The following SURF4 variants were observed in gnomAD, a reference collection of about 807,000 sequenced individuals.
SURF4 encodes surfeit locus protein 4.
Under a neutral mutation model 30.0 loss-of-function variants are expected in SURF4, and 3 were observed. The ratio of observed to expected loss-of-function variants is 0.10; its 90% CI spans 0.05 to 0.26. SURF4 has a LOEUF of 0.26. Among genes scored for constraint, SURF4 ranks in the 10% least tolerant of loss-of-function variants. The pLI is 1.00. For missense variants in SURF4, 217 were observed against 350.8 expected, an observed-to-expected ratio of 0.62 and a Z score of 3.05; for synonymous variants, 143 against 139.9, an observed-to-expected ratio of 1.02 and a Z score of -0.16.
Position 133,363,793 on chromosome 9 carries a change from A to T in SURF4, c.544-34T>A. On this transcript the variant is annotated intron_variant, in intron 5 of 5. Coordinates refer to ENST00000371989, the MANE Select transcript of SURF4 (RefSeq NM_033161.4). This position sits in a 1 kb window ranked among gnomAD's most constrained non-coding sequence, Gnocchi z 4.3. ...GTTGAAACGTAAGAAATTCAAAATA[A>T]ATGTGAGGAAAAGAGATGCTTTATA... The T allele has an allele frequency of 6.2e-7, 1 of 1,612,718 alleles. No individual in the cohort carries two copies. The highest frequency in any genetic ancestry group is 8.5e-7 in the Non-Finnish European group (1 of 1,179,018).
chr9:133,369,765 T>G (rs1837389629), intron 1 of SURF4, among the ~76,000 whole-genome samples: 1 of 152,248 alleles, frequency 6.6e-6, no homozygotes, highest in African/African-American at 2.4e-5. Flanking sequence ...GATGTGCCAC[T>G]GCTCTCAAGG....
intron 1 of SURF4, among the ~76,000 whole-genome samples, chr9:133,369,017 T>C (rs1339602668): frequency 5.3e-5 from 8 of 152,206 alleles, no homozygotes; most frequent in African/African-American, 1.9e-4. Flanking sequence ...TTTTAAAAGT[T>C]GCTTCAAAGT....
chr9:133,375,863 G>A (rs1025793258), intron 1 of SURF4, 59 bp downstream of exon 1: 8 of 1,212,494 alleles, frequency 6.6e-6, no homozygotes, highest in Middle Eastern at 3.2e-4. Flanking sequence ...GCCGACTCCG[G>A]AGCGGCCCGG....
chr9:133,368,376 G>A (rs2130157684), intron 1 of SURF4, among the ~76,000 whole-genome samples: 1 of 152,246 alleles, frequency 6.6e-6, no homozygotes, highest in African/African-American at 2.4e-5. Context: ...GACAGCGCAT[G>A]TGTGCTGTTG....
intron 2 of SURF4, 92 bp from the exon 3 acceptor site, chr9:133,366,767 T>G: frequency 8.1e-7 from 1 of 1,228,960 alleles, no homozygotes; most frequent in Non-Finnish European, 1.2e-6. Context: ...GGCCCTTAGG[T>G]CCAGAGGCAG....
intron 1 of SURF4, among the ~76,000 whole-genome samples, chr9:133,368,417 G>A (rs2130158548): frequency 2.0e-5 from 3 of 152,380 alleles, no homozygotes; most frequent in Admixed American, 1.3e-4. Flanking sequence ...CCAGCCCGAC[G>A]GAGCTCTCCC....
chr9:133,361,523 C>T lies in SURF4; in HGVS notation c.*1970G>A, dbSNP rs1016212209. On this transcript the variant is annotated 3_prime_UTR_variant, in exon 6 of 6. Transcript: ENST00000371989. ...CCAAAAATCAAAACGTTTTCAAACA[C>T]AACTAAGATATAAAATACAGCATAA... is the stretch of plus-strand genomic sequence containing the variant. 1.2e-5 allele frequency: 2 copies of T among 169,176 alleles called. No individual in the cohort carries two copies. Among genetic ancestry groups the T allele is most frequent in the Admixed American group, 5.8e-5 (1 of 17,372 alleles). The allele number at this position is 169,176 out of a possible 1,614,324, so 10.5% of individuals were successfully genotyped here. A position where few individuals can be genotyped will look rare whatever the true frequency, so the allele number is the denominator to read the frequency against.
Position 133,363,123 on chromosome 9 carries a change from GATA to G in SURF4, c.*367_*369del, listed in dbSNP as rs1377955665. On this transcript the variant is annotated 3_prime_UTR_variant, in exon 6 of 6. Coordinates refer to ENST00000371989, the MANE Select transcript of SURF4 (RefSeq NM_033161.4). The surrounding 1 kb of genome is among the most constrained non-coding windows in gnomAD (Gnocchi z 4.3). ...AAATAAGAGGGAGACTGCTTTGAATGATAATACCAATGCGTCTGCTCACAGTAC... is the reference window on the plus strand; with the variant it reads ...AAATAAGAGGGAGACTGCTTTGAATGATACCAATGCGTCTGCTCACAGTAC... 9.4e-5 allele frequency: 44 copies of G among 469,584 alleles called. No homozygotes were observed. Among genetic ancestry groups the G allele is most frequent in the Non-Finnish European group, 1.5e-4 (39 of 260,606 alleles). The allele number at this position is 469,584 out of a possible 1,614,324, so 29.1% of individuals were successfully genotyped here. A position where few individuals can be genotyped will look rare whatever the true frequency, so the allele number is the denominator to read the frequency against.
chr9:133,364,357 C>T (rs1299929739), intron 5 of SURF4, among the ~76,000 whole-genome samples: 1 of 152,220 alleles, frequency 6.6e-6, no homozygotes, highest in Admixed American at 6.5e-5. Flanking sequence ...GCTTGACACA[C>T]AAGAGATTGA....
At chr9:133,365,621 G>A (rs1297199085) in intron 4 of SURF4, among the ~76,000 whole-genome samples, 1 of 152,182 alleles carries the variant, frequency 6.6e-6, no homozygotes, top group African/African-American at 2.4e-5. Flanking sequence ...TTTTAAGAAA[G>A]TTTTTGAGTT....
At chr9:133,369,590 A>G (rs2130171232) in intron 1 of SURF4, among the ~76,000 whole-genome samples, 1 of 152,298 alleles carries the variant, frequency 6.6e-6, no homozygotes, top group Admixed American at 6.5e-5. Flanking sequence ...CAAGATGCCC[A>G]TGTGCACAGT....
intron 2 of SURF4, 37 bp downstream of exon 2, chr9:133,367,222 C>T (rs2130137033): frequency 1.8e-5 from 29 of 1,604,166 alleles, no homozygotes; most frequent in East Asian, 8.9e-5. Flanking sequence ...TGGAACAAGA[C>T]GCCCAGTGAA....
At chr9:133,364,767 G>T in intron 5 of SURF4, 73 bp downstream of exon 5, 1 of 1,486,232 alleles carries the variant, frequency 6.7e-7, no homozygotes, top group South Asian at 1.2e-5. Context: ...AGGGAGGGGT[G>T]AGCAGGGAGG....
intron 1 of SURF4, among the ~76,000 whole-genome samples, chr9:133,371,760 A>T (rs2130191821): frequency 1.3e-5 from 2 of 152,196 alleles, no homozygotes; most frequent in Non-Finnish European, 2.9e-5. Flanking sequence ...CATGGTGTTC[A>T]TCGGGACCCT....
In SURF4 at chr9:133,363,532, A is replaced by C; in HGVS notation, c.771T>G (p.Pro257=). 1 of 1,614,140 alleles carries C rather than the reference A, an allele frequency of 6.2e-7. No homozygotes were observed. Among genetic ancestry groups the C allele is most frequent in the Non-Finnish European group, 8.5e-7 (1 of 1,180,030 alleles). ...GGLLLVVALG[P]GGVSMDEKKK... Reference sequence around the variant, plus strand: ...TCTTCTCATCCATGGAGACACCCCCAGGGCCCAGGGCCACCACCAGGAGCA... The same window carrying C: ...TCTTCTCATCCATGGAGACACCCCCCGGGCCCAGGGCCACCACCAGGAGCA... The change falls in exon 6 of 6, where the codon CCT becomes CCG. Residue 257 remains proline, a synonymous_variant. Coordinates refer to ENST00000371989, the MANE Select transcript of SURF4 (RefSeq NM_033161.4). This position sits in a 1 kb window ranked among gnomAD's most constrained non-coding sequence, Gnocchi z 4.3.
At chr9:133,371,148 CAGAA>C in intron 1 of SURF4, 1 of 985,264 alleles carries the variant, frequency 1.0e-6, no homozygotes, top group African/African-American at 1.7e-5. Context: ...ACACTCAGGA[CAGAA>C]AGAAATTGAG....
intron 1 of SURF4, 64 bp downstream of exon 1, chr9:133,375,858 C>T (rs1033650811): frequency 9.9e-6 from 12 of 1,210,730 alleles, no homozygotes; most frequent in Non-Finnish European, 1.2e-5. Flanking sequence ...GGGAGGCCGA[C>T]TCCGGAGCGG....
chr9:133,376,361 C>T (rs941416570), upstream of SURF4: 9 of 1,389,270 alleles, frequency 6.5e-6, no homozygotes, highest in Non-Finnish European at 7.5e-6. Flanking sequence ...GCGGGAGGGA[C>T]GCCTGAGTGC....
rs1588701962 is a variant in SURF4 at position 133,362,193 on chromosome 9, T to G, written c.*1300A>C. ...GCTCGGGGCTGGGCCGCAGCAGCCC[T>G]GGAGACAGGCTGAGCCAGCCTGTCC... On this transcript the variant is annotated 3_prime_UTR_variant, in exon 6 of 6. Coordinates refer to ENST00000371989, the MANE Select transcript of SURF4 (RefSeq NM_033161.4). 6.6e-6 allele frequency: 1 copy of G among 150,908 alleles called. No homozygotes were observed. Among genetic ancestry groups the G allele is most frequent in the South Asian group, 2.1e-4 (1 of 4,830 alleles). The allele number at this position is 150,908 out of a possible 1,614,324, so 9.3% of individuals were successfully genotyped here. A position where few individuals can be genotyped will look rare whatever the true frequency, so the allele number is the denominator to read the frequency against.
Sources: allele counts gnomAD v4.1 joint callset (sites outside exome capture counted in the v4.1 genomes callset), GRCh38; gene constraint gnomAD v4.1.1; non-coding constraint Gnocchi (gnomAD v3.1); transcripts MANE v1.5; gene names NCBI Gene and HGNC (gene_info 2026-07-23, HGNC 2026-07-21).